The following IMMP2L variants were observed in gnomAD, a reference collection of about 807,000 sequenced individuals.
IMMP2L encodes mitochondrial inner membrane protease subunit 2.
IMMP2L carries 18 observed loss-of-function variants against 19.3 expected under a neutral mutation model. The ratio of observed to expected loss-of-function variants is 0.93; its 90% confidence interval spans 0.64 to 1.38. IMMP2L has a LOEUF of 1.38. Ranked by LOEUF, IMMP2L falls within the 40% of genes most tolerant of loss-of-function variation. IMMP2L has a pLI of 0.00. For missense variants in IMMP2L, 233 were observed against 218.2 expected, an observed-to-expected ratio of 1.07 and a Z score of -0.43; for synonymous variants, 76 against 73.0, an observed-to-expected ratio of 1.04 and a Z score of -0.21.
chr7:111,535,192 T>C (rs1335052761), intron 1 of IMMP2L, among the ~76,000 whole-genome samples: 1 of 152,102 alleles, frequency 6.6e-6, no homozygotes, highest in Non-Finnish European at 1.5e-5. Context: ...TTTTCAGGAA[T>C]GCATGTATGT....
intron 3 of IMMP2L, among the ~76,000 whole-genome samples, chr7:111,465,831 A>ACC (rs1248512734): frequency 1.3e-5 from 2 of 152,146 alleles, no homozygotes; most frequent in African/African-American, 4.8e-5. Context: ...CTGGGTATAT[A>ACC]CCCAAAGGAT....
chr7:110,673,589 G>A (rs1477661596), intron 5 of IMMP2L, among the ~76,000 whole-genome samples: 1 of 152,128 alleles, frequency 6.6e-6, no homozygotes, highest in Admixed American at 6.6e-5. Flanking sequence ...ATGCTTTGCT[G>A]CTTAGAAATT....
intron 1 of IMMP2L, among the ~76,000 whole-genome samples, chr7:111,526,671 C>T (rs1209820938): frequency 6.6e-6 from 1 of 152,142 alleles, no homozygotes; most frequent in East Asian, 1.9e-4. Flanking sequence ...ATTTAACTGA[C>T]TATAATGTTG....
Position 110,664,043 on chromosome 7 carries a change from A to G in IMMP2L, c.409-322T>C, listed in dbSNP as rs1791253209. Among the ~76,000 whole-genome samples the G allele has an allele frequency of 2.0e-5, 3 of 152,182 alleles. No homozygotes were observed. In the South Asian group the frequency reaches 6.2e-4, roughly 31 times the overall value. On this transcript the variant is annotated intron_variant, in intron 5 of 5. Transcript: ENST00000405709. ...GAGGTTAAAAAATTTGCCAAAATTCATACAGCTACCAAGCGGTTAGTCTGT... is the reference window on the plus strand; with the variant it reads ...GAGGTTAAAAAATTTGCCAAAATTCGTACAGCTACCAAGCGGTTAGTCTGT...
In IMMP2L at chr7:111,562,206, A is replaced by G. The variant is rs981506799; in HGVS notation, c.-358T>C. ...CTAGTTAGCCAGTGGCACCAAGAAGAGGACTAGGCTGGGGTGGCCGCCGCA... is the reference window on the plus strand; with the variant it reads ...CTAGTTAGCCAGTGGCACCAAGAAGGGGACTAGGCTGGGGTGGCCGCCGCA... On this transcript the variant is annotated 5_prime_UTR_variant, in exon 1 of 6. Coordinates refer to ENST00000405709, the MANE Select transcript of IMMP2L (RefSeq NM_032549.4). The G allele has an allele frequency of 6.6e-6, 1 of 152,184 alleles. No homozygotes were observed. Among genetic ancestry groups the G allele is most frequent in the African/African-American group, 2.4e-5 (1 of 41,436 alleles). 9.4% of individuals were successfully genotyped at this position (152,184 alleles called of 1,614,324 possible). A position where few individuals can be genotyped will look rare whatever the true frequency, so the allele number is the denominator to read the frequency against.
chr7:111,271,609 A>G (rs1039659474), intron 3 of IMMP2L, among the ~76,000 whole-genome samples: 1 of 152,068 alleles, frequency 6.6e-6, no homozygotes. Flanking sequence ...TCTAAATTCC[A>G]AACATCCAAG....
chr7:110,874,727 A>G (rs1808890458), intron 5 of IMMP2L, among the ~76,000 whole-genome samples: 1 of 152,126 alleles, frequency 6.6e-6, no homozygotes, highest in Admixed American at 6.6e-5. Flanking sequence ...GTGACTCAAC[A>G]GTGTAATACT....
chr7:111,181,976 C>T (rs1207990337), intron 3 of IMMP2L, among the ~76,000 whole-genome samples: 2 of 151,858 alleles, frequency 1.3e-5, no homozygotes, highest in African/African-American at 4.8e-5. Context: ...TAAGAATAAA[C>T]ATTTCAATAT....
intron 3 of IMMP2L, among the ~76,000 whole-genome samples, chr7:111,408,404 C>T (rs1373178293): frequency 2.0e-5 from 3 of 151,710 alleles, no homozygotes; most frequent in Non-Finnish European, 4.4e-5. Context: ...CATACAGACA[C>T]AGAAATATCA....
intron 5 of IMMP2L, among the ~76,000 whole-genome samples, chr7:110,695,273 T>C (rs922110654): frequency 6.6e-6 from 1 of 152,050 alleles, no homozygotes; most frequent in Non-Finnish European, 1.5e-5. Flanking sequence ...CTCACTGCAG[T>C]CTCAACCTTC....
intron 3 of IMMP2L, among the ~76,000 whole-genome samples, chr7:111,053,941 A>G (rs1471937640): frequency 1.3e-5 from 2 of 152,052 alleles, no homozygotes; most frequent in African/African-American, 4.8e-5. Flanking sequence ...TATGGTAGTG[A>G]GGTAAGGTAA....
At chr7:110,986,291 A>T (rs1462970086) in intron 3 of IMMP2L, among the ~76,000 whole-genome samples, 2 of 151,882 alleles carry the variant, frequency 1.3e-5, no homozygotes, top group Non-Finnish European at 2.9e-5. Context: ...CCAACTTCCT[A>T]CCCCTGGCCC....
intron 2 of IMMP2L, among the ~76,000 whole-genome samples, chr7:111,501,104 T>C (rs1299591219): frequency 6.6e-6 from 1 of 151,672 alleles, no homozygotes; most frequent in African/African-American, 2.4e-5. Flanking sequence ...ATACCTAGAA[T>C]AACCAATGCA....
At chr7:110,837,047 G>C in intron 5 of IMMP2L, among the ~76,000 whole-genome samples, 1 of 152,200 alleles carries the variant, frequency 6.6e-6, no homozygotes, top group East Asian at 1.9e-4. Flanking sequence ...GAATACCTAA[G>C]TATTTATGTA....
intron 5 of IMMP2L, among the ~76,000 whole-genome samples, chr7:110,676,229 T>C (rs1371855648): frequency 1.3e-5 from 2 of 152,364 alleles, no homozygotes; most frequent in Admixed American, 1.3e-4. Context: ...ACATTTCCTC[T>C]AAAGGATCAG....
At chr7:110,720,324 G>C (rs1041898647) in intron 5 of IMMP2L, among the ~76,000 whole-genome samples, 2 of 152,170 alleles carry the variant, frequency 1.3e-5, no homozygotes, top group African/African-American at 4.8e-5. Context: ...CCCTGGTTGA[G>C]CCTGGTAATT....
At chr7:110,934,239 G>A (rs1815830687) in intron 4 of IMMP2L, among the ~76,000 whole-genome samples, 1 of 152,126 alleles carries the variant, frequency 6.6e-6, no homozygotes, top group Admixed American at 6.5e-5. Flanking sequence ...TGCATTTGCT[G>A]AGGAGTGTTT....
At chr7:111,526,303 T>C (rs62464586) in intron 1 of IMMP2L, among the ~76,000 whole-genome samples, 58 of 152,172 alleles carry the variant, frequency 3.8e-4, no homozygotes, top group Non-Finnish European at 7.5e-4. Context: ...GTATTTAAAA[T>C]TGAATATTTA....
chr7:110,782,938 C>T (rs544120065), intron 5 of IMMP2L, among the ~76,000 whole-genome samples: 1 of 151,776 alleles, frequency 6.6e-6, no homozygotes, highest in Non-Finnish European at 1.5e-5. Context: ...ATCCTGAAGC[C>T]CAATAAAATA....
Sources: allele counts gnomAD v4.1 joint callset (sites outside exome capture counted in the v4.1 genomes callset), GRCh38; gene constraint gnomAD v4.1.1; transcripts MANE v1.5; gene names NCBI Gene and HGNC (gene_info 2026-07-23, HGNC 2026-07-21).